Variants in HECTD4 observed in about 807,000 individuals in gnomAD.
The protein encoded by HECTD4 is HECT domain E3 ubiquitin protein ligase 4.
In HECTD4, 114 loss-of-function variants were observed where a neutral mutation model predicts 471.5. That is an observed-to-expected ratio of 0.24 (90% confidence interval 0.21 to 0.28). The LOEUF (loss-of-function observed/expected upper bound fraction) is 0.28. Ranked by LOEUF, HECTD4 falls within the 10% of genes least tolerant of loss-of-function variation. The pLI is 1.00. For synonymous variants in HECTD4, 2,012 were observed against 2,256.0 expected (o/e 0.89, Z 3.07); for missense variants, 3,866 against 5,651.5 (o/e 0.68, Z 10.13).
chr12:112,280,034 A>G (rs1029553228), intron 8 of HECTD4, among the ~76,000 whole-genome samples: 1 of 152,168 alleles, frequency 6.6e-6, no homozygotes. Flanking sequence ...TGAACAACCT[A>G]TATTCCAATC....
rs1183364469 is a variant in HECTD4, at chr12:112,261,205, T to G, written c.2873+100A>C. Reference sequence around the variant, plus strand: ...GCCTATTCTCACAAAAATCTCTCTATATAAAATTGATCCTTCTATATTCTA... The same window carrying G: ...GCCTATTCTCACAAAAATCTCTCTAGATAAAATTGATCCTTCTATATTCTA... On this transcript the variant is annotated intron_variant, in intron 18 of 75. Transcript: ENST00000682272. 2.3e-6 allele frequency: 3 copies of G among 1,283,462 alleles called. No individual in the cohort carries two copies. The African/African-American group carries it at 4.5e-5, about 19-fold the overall frequency. The allele number at this position is 1,283,462 out of a possible 1,614,324, so 79.5% of individuals were successfully genotyped here. A position where few individuals can be genotyped will look rare whatever the true frequency, so the allele number is the denominator to read the frequency against.
intron 68 of HECTD4, 97 bp from the exon 69 acceptor site, chr12:112,170,549 C>T: frequency 6.7e-7 from 1 of 1,497,342 alleles, no homozygotes; most frequent in Non-Finnish European, 9.0e-7. Flanking sequence ...GTGGCACTCT[C>T]AGGCCCCCTG....
chr12:112,244,323 A>C (rs1440923294), intron 29 of HECTD4, among the ~76,000 whole-genome samples: 2 of 152,206 alleles, frequency 1.3e-5, no homozygotes, highest in African/African-American at 4.8e-5. Flanking sequence ...GCAATGGAGG[A>C]CATAGAAAGT....
intron 59 of HECTD4, among the ~76,000 whole-genome samples, chr12:112,191,470 C>T (rs528463333): frequency 2.6e-5 from 4 of 152,248 alleles, no homozygotes; most frequent in East Asian, 3.9e-4. Flanking sequence ...CCATGGCCTA[C>T]GTGTGACCAA....
rs2033699111 is a variant in HECTD4, at chr12:112,243,964, C to T, written c.4559G>A (p.Arg1520Lys). The change falls in exon 30 of 76, where the codon AGG becomes AAG. Residue 1520 changes from arginine (R) to lysine (K), a missense_variant. By Grantham distance (26) the Arg-to-Lys change is conservative (BLOSUM62 2). Coordinates refer to ENST00000682272, the MANE Select transcript of HECTD4 (RefSeq NM_001388303.1). The surrounding 1 kb of genome is among the most constrained non-coding windows in gnomAD (Gnocchi z 6.6). ...CATGCTGCGAAGAAAAACAGGCTGC[C>T]TGACAGCGTGAGATATCACTTTTGT... The part of the protein sequence containing the change: ...SETKVISHAV[R>K]QPVFLRSMSA... 1 of 1,614,028 alleles carries T rather than the reference C, an allele frequency of 6.2e-7. No homozygotes were observed. Among genetic ancestry groups the T allele is most frequent in the South Asian group, 1.1e-5 (1 of 91,082 alleles).
At chr12:112,338,606 T>C (rs1406593127) in intron 1 of HECTD4, among the ~76,000 whole-genome samples, 2 of 151,466 alleles carry the variant, frequency 1.3e-5, no homozygotes, top group African/African-American at 4.9e-5. Flanking sequence ...GGTGACAGAG[T>C]GAGACTCTAT....
intron 1 of HECTD4, among the ~76,000 whole-genome samples, chr12:112,364,706 T>C (rs1372599612): frequency 6.6e-6 from 1 of 152,144 alleles, no homozygotes; most frequent in Non-Finnish European, 1.5e-5. Context: ...CCTCCAGCCA[T>C]GGACAACAAA....
At chr12:112,287,805 C>CAGAGTAGA in intron 7 of HECTD4, among the ~76,000 whole-genome samples, 1 of 152,090 alleles carries the variant, frequency 6.6e-6, no homozygotes, top group East Asian at 1.9e-4. Flanking sequence ...GGAATGTGTC[C>CAGAGTAGA]AGAGTAGAAG....
At chr12:112,324,087 T>C (rs571709479) in intron 1 of HECTD4, among the ~76,000 whole-genome samples, 42 of 103,676 alleles carry the variant, frequency 4.1e-4, no homozygotes, top group Non-Finnish European at 6.0e-4. Context: ...TCTTTCTTTC[T>C]TTCTTTCTTT....
At chr12:112,264,865 C>T (rs1310606386) in intron 16 of HECTD4, among the ~76,000 whole-genome samples, 4 of 152,230 alleles carry the variant, frequency 2.6e-5, no homozygotes, top group South Asian at 4.1e-4. Flanking sequence ...CCTGGGTTCA[C>T]GTGATTCTCC....
At chr12:112,167,051 T>C (rs2030995556) in intron 72 of HECTD4, 2 of 369,096 alleles carry the variant, frequency 5.4e-6, no homozygotes, top group African/African-American at 4.2e-5. Flanking sequence ...CCCTTGCCCA[T>C]GGCCAGGCAA....
In HECTD4 at chr12:112,295,501, AT is replaced by A. The variant is rs542721726; in HGVS notation, c.1335+10562del. Among the ~76,000 whole-genome samples the A allele has an allele frequency of 6.6e-3, 884 of 132,934 alleles. 3 individuals carry two copies. The highest frequency in any genetic ancestry group is 0.016 in the Middle Eastern group (4 of 250). The allele number at this position is 132,934 out of a possible 152,430, so 87.2% of individuals were successfully genotyped here. A position where few individuals can be genotyped will look rare whatever the true frequency, so the allele number is the denominator to read the frequency against. ...CTACCTCAGCAACTGGCTAATATTA[AT>A]TTTTTTTTTTTTTTTTTAGTAGAGA... On this transcript the variant is annotated intron_variant, in intron 7 of 75. Coordinates refer to ENST00000682272, the MANE Select transcript of HECTD4 (RefSeq NM_001388303.1).
chr12:112,173,432 C>T lies in HECTD4; in HGVS notation c.11595-571G>A, dbSNP rs1339130544. ...TGAGATGGAGTCTCGCTCTATCGCC[C>T]AGGCTGGAGTGCAGTGGTGCGATCT... On this transcript the variant is annotated intron_variant, in intron 66 of 75. Transcript: ENST00000682272. The surrounding 1 kb of genome is among the most constrained non-coding windows in gnomAD (Gnocchi z 4.3). Among the ~76,000 whole-genome samples, 3 of 151,766 alleles carry T rather than the reference C, an allele frequency of 2.0e-5. No individual in the cohort carries two copies. Among genetic ancestry groups the T allele is most frequent in the Non-Finnish European group, 4.4e-5 (3 of 67,972 alleles).
intron 1 of HECTD4, among the ~76,000 whole-genome samples, chr12:112,321,161 T>C (rs77416627): frequency 0.066 from 10,073 of 152,256 alleles, 371 homozygotes; most frequent in Middle Eastern, 0.16. Flanking sequence ...CCATTCTTAA[T>C]AGTGTTAACC....
Position 112,296,577 on chromosome 12 carries a change from ATGTAGGTGCAGATGG to A in HECTD4, c.1335+9472_1335+9486del, listed in dbSNP as rs1300251443. Among the ~76,000 whole-genome samples the A allele has an allele frequency of 8.2e-5, 12 of 146,224 alleles. No homozygotes were observed. In the East Asian group the frequency reaches 2.5e-3, roughly 31 times the overall value. ...GGTGCAAAGGGTGTAAGTACAGTGG[ATGTAGGTGCAGATGG>A]TGTAGGTGCAGAGGAAGTAGGTGCA... On this transcript the variant is annotated intron_variant, in intron 7 of 75. Coordinates refer to ENST00000682272, the MANE Select transcript of HECTD4 (RefSeq NM_001388303.1).
In HECTD4 at chr12:112,382,328, G is replaced by GGAGA. The variant is rs2036913196; in HGVS notation, c.-201_-200insTCTC. On this transcript the variant is annotated 5_prime_UTR_variant, in exon 1 of 76. Coordinates refer to ENST00000682272, the MANE Select transcript of HECTD4 (RefSeq NM_001388303.1). ...CCCCGGCCCGGGAGACCCCGGCCCTGCCGCCGCCGCCGCCGCCGCCGCCGC... is the reference window on the plus strand; with the variant it reads ...CCCCGGCCCGGGAGACCCCGGCCCTGGAGACCGCCGCCGCCGCCGCCGCCGCCGC... The GGAGA allele has an allele frequency of 9.2e-6, 2 of 218,090 alleles. No individual in the cohort carries two copies. Among genetic ancestry groups the GGAGA allele is most frequent in the South Asian group, 1.8e-4 (2 of 11,234 alleles). The allele number at this position is 218,090 out of a possible 1,614,324, so 13.5% of individuals were successfully genotyped here.
chr12:112,338,156 G>C (rs2035992368), intron 1 of HECTD4, among the ~76,000 whole-genome samples: 1 of 152,192 alleles, frequency 6.6e-6, no homozygotes, highest in Non-Finnish European at 1.5e-5. Flanking sequence ...TCCAGCTTCT[G>C]TTGGCCAACA....
chr12:112,209,601 C>T (rs868006565), intron 50 of HECTD4, among the ~76,000 whole-genome samples: 17 of 152,236 alleles, frequency 1.1e-4, no homozygotes, highest in African/African-American at 3.4e-4. Flanking sequence ...GCTGGCATTA[C>T]AGGCATGAGC....
Position 112,218,837 on chromosome 12 carries a change from C to T in HECTD4, c.7074+549G>A, listed in dbSNP as rs138238077. On this transcript the variant is annotated intron_variant, in intron 45 of 75. Transcript: ENST00000682272. The stretch of plus-strand genomic sequence containing the variant: ...GCAACCTCTACCTCCCAGGTTGAAG[C>T]GATTCTCCTGCCTCAGCCTCCCAAG... Among the ~76,000 whole-genome samples the T allele has an allele frequency of 5.0e-3, 756 of 152,096 alleles. 10 individuals are homozygous for T. Among genetic ancestry groups the T allele is most frequent in the African/African-American group, 0.017 (717 of 41,474 alleles).
Sources: gnomAD v4.1 joint callset for allele counts (sites outside exome capture counted in the v4.1 genomes callset) on GRCh38, gnomAD v4.1.1 for gene constraint, Gnocchi (gnomAD v3.1) non-coding constraint, MANE v1.5 for transcripts, NCBI Gene and HGNC (gene_info 2026-07-23, HGNC 2026-07-21) for gene names.